The following XPR1 variants were observed in gnomAD, a reference collection of about 807,000 sequenced individuals.
XPR1 encodes the protein xenotropic and polytropic retrovirus receptor 1.
Under a neutral mutation model 87.5 loss-of-function variants are expected in XPR1, and 28 were observed. The ratio of observed to expected loss-of-function variants is 0.32; its 90% CI spans 0.24 to 0.44. XPR1 has a LOEUF of 0.44. Among genes scored for constraint, XPR1 ranks in the 20% least tolerant of loss-of-function variants. XPR1 has a pLI of 1.00. For synonymous variants in XPR1, 300 were observed against 306.1 expected (o/e 0.98, Z 0.21); for missense variants, 559 against 862.3 (o/e 0.65, Z 4.41).
chr1:180,837,073 T>C (rs998139315), intron 11 of XPR1, among the ~76,000 whole-genome samples: 7 of 152,228 alleles, frequency 4.6e-5, no homozygotes, highest in South Asian at 4.1e-4. Flanking sequence ...AAAAATTCCC[T>C]GTGGCAATCA....
chr1:180,701,512 A>G (rs973060960), intron 2 of XPR1, among the ~76,000 whole-genome samples: 1 of 139,966 alleles, frequency 7.1e-6, no homozygotes, highest in Non-Finnish European at 1.5e-5. Context: ...TATATGCTGG[A>G]TTACATTTAT....
rs576260456 is a variant in XPR1, at chr1:180,824,297, G to A, written c.764-456G>A. Among the ~76,000 whole-genome samples the A allele has an allele frequency of 3.9e-5, 6 of 152,266 alleles. No homozygotes were observed. In the South Asian group the frequency reaches 8.3e-4, roughly 21 times the overall value. ...TTTTAAGGCTCTTAAAATAATCTAG[G>A]TTTGGCCAGGCGGGGTGGTTCATGC... is the stretch of plus-strand genomic sequence containing the variant. On this transcript the variant is annotated intron_variant, in intron 7 of 14. Coordinates refer to ENST00000367590, the MANE Select transcript of XPR1 (RefSeq NM_004736.4).
In XPR1 at chr1:180,880,112, A is replaced by G. The variant is rs1652800325; in HGVS notation, c.1845A>G (p.Glu615=). ...FVWNFFRLEN[E]HLNNCGEFRA... ...GGAACTTCTTCCGCCTGGAGAATGA[A>G]CATCTGAATAACTGTGGTGAATTCC... Residue 615 remains glutamate, a synonymous_variant, in exon 14 of 15, where the codon GAA becomes GAG. Transcript: ENST00000367590. The G allele has an allele frequency of 1.2e-6, 2 of 1,614,030 alleles. No homozygotes were observed. Among genetic ancestry groups the G allele is most frequent in the Non-Finnish European group, 1.7e-6 (2 of 1,180,036 alleles).
chr1:180,839,805 A>T (rs954927242), intron 11 of XPR1, among the ~76,000 whole-genome samples: 4 of 152,214 alleles, frequency 2.6e-5, no homozygotes, highest in African/African-American at 9.6e-5. Flanking sequence ...GGGCTTCTGG[A>T]TGGTAAATTG....
chr1:180,875,145 G>A (rs1652619936), intron 13 of XPR1, among the ~76,000 whole-genome samples: 1 of 152,126 alleles, frequency 6.6e-6, no homozygotes, highest in Non-Finnish European at 1.5e-5. Context: ...TAACTCAAAA[G>A]TCCCAAATGT....
At chr1:180,756,806 T>C (rs1430764852) in intron 2 of XPR1, among the ~76,000 whole-genome samples, 1 of 152,176 alleles carries the variant, frequency 6.6e-6, no homozygotes, top group African/African-American at 2.4e-5. Context: ...AAGAGGAAGG[T>C]CTTTGCTCCA....
intron 2 of XPR1, among the ~76,000 whole-genome samples, chr1:180,683,879 C>T (rs1348310306): frequency 6.6e-6 from 1 of 151,750 alleles, no homozygotes; most frequent in Non-Finnish European, 1.5e-5. Context: ...GTCAGATGAG[C>T]AGGTTGCAAA....
rs569188988 is a variant in XPR1, at chr1:180,759,670, G to A, written c.122-28083G>A. Among the ~76,000 whole-genome samples the A allele has an allele frequency of 4.0e-4, 61 of 152,236 alleles. 1 individual carries two copies. In the South Asian group the frequency reaches 0.012, roughly 31 times the overall value. On this transcript the variant is annotated intron_variant, in intron 2 of 14. Coordinates refer to ENST00000367590, the MANE Select transcript of XPR1 (RefSeq NM_004736.4). ...TCCAGGACCAGATGGATTCACAGCC[G>A]AGTTCTACCAGAGGTACAAGGAGGA... is the stretch of plus-strand genomic sequence containing the variant.
At chr1:180,759,518 A>G (rs1647906906) in intron 2 of XPR1, among the ~76,000 whole-genome samples, 4 of 152,240 alleles carry the variant, frequency 2.6e-5, no homozygotes, top group African/African-American at 9.6e-5. Context: ...AATCTAGAAG[A>G]AATGGATAAA....
chr1:180,748,551 TG>T (rs1295794964), intron 2 of XPR1, among the ~76,000 whole-genome samples: 1 of 151,602 alleles, frequency 6.6e-6, no homozygotes, highest in African/African-American at 2.4e-5. Context: ...CCCGAGTAGC[TG>T]GGATTACAGG....
intron 2 of XPR1, among the ~76,000 whole-genome samples, chr1:180,761,014 G>A (rs1648000943): frequency 6.6e-6 from 1 of 152,158 alleles, no homozygotes; most frequent in Admixed American, 6.5e-5. Flanking sequence ...AAGCAATGGG[G>A]AAAGGATTCC....
intron 2 of XPR1, among the ~76,000 whole-genome samples, chr1:180,714,394 T>TCTCTCC (rs1557970830): frequency 1.4e-5 from 2 of 142,312 alleles, no homozygotes; most frequent in Admixed American, 1.4e-4. Context: ...TCTCTCTCTC[T>TCTCTCC]CTCTCTCTGT....
rs963301993 is a variant in XPR1 at position 180,888,787 on chromosome 1, G to C, written c.*4721G>C. On this transcript the variant is annotated 3_prime_UTR_variant, in exon 15 of 15. Transcript: ENST00000367590. The stretch of plus-strand genomic sequence containing the variant: ...CTCAACTTTCTGCATTGTATTTTAA[G>C]TCTATACAATGTTAGAGCACATGGT... 6.6e-6 allele frequency: 1 copy of C among 152,202 alleles called. No homozygotes were observed. The highest frequency in any genetic ancestry group is 6.5e-5 in the Admixed American group (1 of 15,284). The allele number at this position is 152,202 out of a possible 1,614,324, so 9.4% of individuals were successfully genotyped here.
intron 13 of XPR1, chr1:180,878,287 A>G (rs1485051910): frequency 6.6e-6 from 1 of 152,192 alleles, no homozygotes; most frequent in Non-Finnish European, 1.5e-5. Context: ...AACAAACAAA[A>G]AAACCATCTT....
chr1:180,730,492 T>C (rs557141474), intron 2 of XPR1, among the ~76,000 whole-genome samples: 1 of 152,368 alleles, frequency 6.6e-6, no homozygotes, highest in South Asian at 2.1e-4. Context: ...GCTTACTGTT[T>C]AGAAGAGGTG....
intron 2 of XPR1, among the ~76,000 whole-genome samples, chr1:180,730,227 A>G (rs999460138): frequency 6.6e-5 from 10 of 152,080 alleles, no homozygotes; most frequent in African/African-American, 2.2e-4. Flanking sequence ...TGGGCTCTCT[A>G]TTCTCTTCCA....
intron 12 of XPR1, among the ~76,000 whole-genome samples, chr1:180,873,394 A>G (rs1255623860): frequency 3.3e-5 from 5 of 152,244 alleles, no homozygotes; most frequent in African/African-American, 1.2e-4. Flanking sequence ...AAAAGTACAA[A>G]TAACACAGTG....
intron 3 of XPR1, among the ~76,000 whole-genome samples, chr1:180,796,501 C>A (rs1295781009): frequency 6.6e-6 from 1 of 152,080 alleles, no homozygotes; most frequent in East Asian, 1.9e-4. Context: ...CAAAATACAC[C>A]TGAAATGTTG....
rs1312935093 is a variant in XPR1, at chr1:180,825,360, T to G, written c.1134+16T>G. The stretch of plus-strand genomic sequence containing the variant: ...TAAACTGCTGGTAAGTCCAGAAACT[T>G]GTGTACCACTTTTAGAGTGGCATAT... On this transcript the variant is annotated intron_variant, in intron 9 of 14. Coordinates refer to ENST00000367590, the MANE Select transcript of XPR1 (RefSeq NM_004736.4). The G allele has an allele frequency of 6.2e-7, 1 of 1,604,038 alleles. No homozygotes were observed. Among genetic ancestry groups the G allele is most frequent in the South Asian group, 1.1e-5 (1 of 89,140 alleles).
Sources: gnomAD v4.1 joint callset for allele counts (sites outside exome capture counted in the v4.1 genomes callset) on GRCh38, gnomAD v4.1.1 for gene constraint, MANE v1.5 for transcripts, NCBI Gene and HGNC (gene_info 2026-07-23, HGNC 2026-07-21) for gene names.